Variants in UBE2E2 observed in about 807,000 individuals in gnomAD.
UBE2E2 encodes ubiquitin-conjugating enzyme E2 E2.
UBE2E2 carries 6 observed loss-of-function variants against 24.7 expected under a neutral mutation model. The ratio of observed to expected loss-of-function variants is 0.24; its 90% CI spans 0.13 to 0.48. The LOEUF is 0.48. Among genes scored for constraint, UBE2E2 ranks in the 20% least tolerant of loss-of-function variants. UBE2E2 has a pLI of 0.99. For synonymous variants in UBE2E2, 104 were observed against 83.6 expected (o/e 1.24, Z -1.33); for missense variants, 169 against 245.0 (o/e 0.69, Z 2.07).
At chr3:23,461,877 CAA>C (rs930813368) in intron 3 of UBE2E2, among the ~76,000 whole-genome samples, 16 of 152,042 alleles carry the variant, frequency 1.1e-4, no homozygotes, top group African/African-American at 3.6e-4. Flanking sequence ...ACTGTTACTT[CAA>C]GAGTAATATG....
intron 3 of UBE2E2, among the ~76,000 whole-genome samples, chr3:23,478,360 C>T (rs778489): frequency 0.2 from 30,604 of 152,020 alleles, 3,070 homozygotes; most frequent in East Asian, 0.23. Flanking sequence ...AAGTGGCTAA[C>T]TCTGAGAAAA....
chr3:23,247,089 A>G (rs922791622), intron 3 of UBE2E2, among the ~76,000 whole-genome samples: 1 of 152,174 alleles, frequency 6.6e-6, no homozygotes, highest in Non-Finnish European at 1.5e-5. Flanking sequence ...TCCTAGACCC[A>G]AGCAGTCCTC....
chr3:23,318,586 G>C (rs927214964), intron 3 of UBE2E2, among the ~76,000 whole-genome samples: 5 of 151,954 alleles, frequency 3.3e-5, no homozygotes, highest in Non-Finnish European at 7.4e-5. Context: ...AAGGCAAAAG[G>C]CACGTCTATG....
chr3:23,433,121 T>A (rs948556460), intron 3 of UBE2E2, among the ~76,000 whole-genome samples: 8 of 151,958 alleles, frequency 5.3e-5, no homozygotes, highest in African/African-American at 1.9e-4. Context: ...TGTTTATTCA[T>A]ACAGAAAATA....
At chr3:23,489,418 T>C (rs541070316) in intron 3 of UBE2E2, among the ~76,000 whole-genome samples, 3 of 152,118 alleles carry the variant, frequency 2.0e-5, no homozygotes, top group Non-Finnish European at 4.4e-5. Context: ...ACATGTGCAC[T>C]TCACAGTAGG....
intron 3 of UBE2E2, among the ~76,000 whole-genome samples, chr3:23,274,439 C>T (rs1013582130): frequency 2.0e-5 from 3 of 152,020 alleles, no homozygotes; most frequent in Non-Finnish European, 4.4e-5. Context: ...GGTCACGGTT[C>T]ACTGCATCCT....
chr3:23,270,963 C>T (rs552462662), intron 3 of UBE2E2: 16 of 456,592 alleles, frequency 3.5e-5, no homozygotes, highest in Non-Finnish European at 6.6e-5. Context: ...GTTCCTGATT[C>T]GATCTGCTTG....
At chr3:23,303,915 A>G (rs982940801) in intron 3 of UBE2E2, among the ~76,000 whole-genome samples, 7 of 152,168 alleles carry the variant, frequency 4.6e-5, no homozygotes, top group African/African-American at 9.7e-5. Context: ...ATTTCAACCA[A>G]TGTAATTATA....
intron 3 of UBE2E2, among the ~76,000 whole-genome samples, chr3:23,267,562 A>G (rs1259466742): frequency 1.3e-5 from 2 of 152,000 alleles, no homozygotes; most frequent in African/African-American, 4.8e-5. Flanking sequence ...GGCAATAATC[A>G]ATAGCTTACC....
intron 5 of UBE2E2, among the ~76,000 whole-genome samples, chr3:23,573,032 C>CA (rs372859407): frequency 1.1e-4 from 17 of 150,264 alleles, no homozygotes; most frequent in South Asian, 2.1e-4. Context: ...TTAGGGTTCT[C>CA]AAAAAAAAAT....
At chr3:23,365,942 G>A (rs1379069652) in intron 3 of UBE2E2, among the ~76,000 whole-genome samples, 1 of 152,042 alleles carries the variant, frequency 6.6e-6, no homozygotes, top group Non-Finnish European at 1.5e-5. Context: ...TGAATAGAGA[G>A]CTCAGAAATA....
intron 3 of UBE2E2, among the ~76,000 whole-genome samples, chr3:23,245,810 G>C (rs985227006): frequency 5.3e-5 from 8 of 152,214 alleles, no homozygotes; most frequent in Non-Finnish European, 1.2e-4. Context: ...CTTGACCTTT[G>C]TAAAATGAAG....
chr3:23,301,778 C>T (rs1299155794), intron 3 of UBE2E2, among the ~76,000 whole-genome samples: 8 of 149,638 alleles, frequency 5.3e-5, no homozygotes, highest in Admixed American at 6.6e-5. Context: ...TCTCCAGCTG[C>T]GTGCTGGGAG....
chr3:23,519,389 A>C (rs1694810853), intron 4 of UBE2E2, among the ~76,000 whole-genome samples: 1 of 152,172 alleles, frequency 6.6e-6, no homozygotes, highest in Non-Finnish European at 1.5e-5. Context: ...ATATTTAATA[A>C]AAGTACCCTT....
rs57604620 is a variant in UBE2E2, at chr3:23,387,123, G to A, written c.228-112485G>A. 6.8e-4 allele frequency among the ~76,000 whole-genome samples: 104 copies of A among 152,296 alleles called. 5 individuals are homozygous for A. In the East Asian group the frequency reaches 0.016, roughly 23 times the overall value. On this transcript the variant is annotated intron_variant, in intron 3 of 5. Coordinates refer to ENST00000396703, the MANE Select transcript of UBE2E2 (RefSeq NM_152653.4). ...TTCAAAATGAAGCAAAGTTTAAGAC[G>A]CACATATGCAGATGCTATTAGCAGT...
intron 3 of UBE2E2, among the ~76,000 whole-genome samples, chr3:23,354,224 A>G (rs1323623060): frequency 6.6e-6 from 1 of 152,072 alleles, no homozygotes; most frequent in African/African-American, 2.4e-5. Flanking sequence ...TACACCTTAT[A>G]CAAAAATTAA....
At chr3:23,204,910 C>G in intron 1 of UBE2E2, 1 of 260,184 alleles carries the variant, frequency 3.8e-6, no homozygotes, top group Non-Finnish European at 6.0e-6. Flanking sequence ...CAGTTTTATA[C>G]TAGTAGATAC....
intron 3 of UBE2E2, among the ~76,000 whole-genome samples, chr3:23,462,656 A>T (rs778474): frequency 1.3e-5 from 2 of 152,170 alleles, no homozygotes; most frequent in African/African-American, 4.8e-5. Flanking sequence ...GGCTGAAGAA[A>T]GGACCAGACC....
At chr3:23,479,414 C>T (rs901492189) in intron 3 of UBE2E2, among the ~76,000 whole-genome samples, 4 of 152,148 alleles carry the variant, frequency 2.6e-5, no homozygotes, top group Admixed American at 6.5e-5. Flanking sequence ...CTTGGAGACC[C>T]CAGGAACAGC....
Sources: allele counts gnomAD v4.1 joint callset (sites outside exome capture counted in the v4.1 genomes callset), GRCh38; gene constraint gnomAD v4.1.1; transcripts MANE v1.5; gene names NCBI Gene and HGNC (gene_info 2026-07-23, HGNC 2026-07-21).